Variants in ATXN2 observed in about 807,000 individuals in gnomAD.
The protein encoded by ATXN2 is ataxin-2.
Under a neutral mutation model 138.6 loss-of-function variants are expected in ATXN2, and 37 were observed. The ratio of observed to expected loss-of-function variants is 0.27; its 90% CI spans 0.21 to 0.35. The LOEUF is 0.35. Among genes scored for constraint, ATXN2 ranks in the 10% least tolerant of loss-of-function variants. The pLI is 1.00. For missense variants in ATXN2, 1,216 were observed against 1,480.3 expected (o/e 0.82, Z 2.93); for synonymous variants, 549 against 543.7 (o/e 1.01, Z -0.13).
chr12:111,479,010 A>G, intron 18 of ATXN2: 1 of 296,868 alleles, frequency 3.4e-6, no homozygotes, highest in Admixed American at 5.1e-5. Context: ...CTTCATCTCA[A>G]AAAAAATAAA....
intron 21 of ATXN2, among the ~76,000 whole-genome samples, chr12:111,458,630 C>A (rs867605694): frequency 6.6e-6 from 1 of 152,166 alleles, no homozygotes; most frequent in Non-Finnish European, 1.5e-5. Context: ...TAAAATCCCT[C>A]AAGATAATAA....
At chr12:111,580,508 A>AAAAAG (rs1468747975) in intron 1 of ATXN2, among the ~76,000 whole-genome samples, 7 of 150,784 alleles carry the variant, frequency 4.6e-5, no homozygotes, top group Non-Finnish European at 3.0e-5. Flanking sequence ...TCTGTCTCCA[A>AAAAAG]AAAAGAAAAA....
rs558410153 is a variant in ATXN2, at chr12:111,576,880, C to A, written c.252-20961G>T. Among the ~76,000 whole-genome samples, 3 of 151,956 alleles carry A rather than the reference C, an allele frequency of 2.0e-5. No homozygotes were observed. The South Asian group carries it at 6.2e-4, about 31-fold the overall frequency. On this transcript the variant is annotated intron_variant, in intron 1 of 24. Transcript: ENST00000673436. ...GGCTGAGGCAGGAGAATGGCATGAA[C>A]CTGGGAGTCGGAGGTTGCAGTGAGC...
At chr12:111,485,468 G>C in intron 17 of ATXN2, 137 bp from the exon 18 acceptor site, 1 of 978,712 alleles carries the variant, frequency 1.0e-6, no homozygotes, top group Non-Finnish European at 1.5e-6. Flanking sequence ...TAAAAAATTA[G>C]ATCATACCCA....
At chr12:111,573,716 G>A (rs951710040) in intron 1 of ATXN2, among the ~76,000 whole-genome samples, 1 of 152,180 alleles carries the variant, frequency 6.6e-6, no homozygotes, top group Non-Finnish European at 1.5e-5. Flanking sequence ...CTGGGCTGTT[G>A]TAAGGCTTAA....
At chr12:111,488,962 A>C (rs991473093) in intron 14 of ATXN2, among the ~76,000 whole-genome samples, 182 bp from the exon 15 acceptor site, 1 of 152,206 alleles carries the variant, frequency 6.6e-6, no homozygotes, top group African/African-American at 2.4e-5. Flanking sequence ...TATATAGCAC[A>C]ACCACAGTCA....
intron 12 of ATXN2, 57 bp downstream of exon 12, chr12:111,510,328 C>T: frequency 1.3e-6 from 2 of 1,545,490 alleles, no homozygotes; most frequent in Non-Finnish European, 1.8e-6. Flanking sequence ...TAATATCACC[C>T]TCTAACATTC....
At chr12:111,467,307 CTTTTTTTTTTTTTTT>C (rs61507608) in intron 20 of ATXN2, among the ~76,000 whole-genome samples, 9 of 34,832 alleles carry the variant, frequency 2.6e-4, no homozygotes, top group South Asian at 1.2e-3. Flanking sequence ...CATGACTGGG[CTTTTTTTTTTTTTTT>C]TTTTTTTTTT....
rs780240287 is a variant in ATXN2 at position 111,552,404 on chromosome 12, A to G, written c.447T>C (p.His149=). ...PKCDLVLDAA[H]EKSTESSSGP... is the part of the protein sequence containing the mutation. ...CCGAACTGGATTCTGTACTTTTCTC[A>G]TGTGCGGCATCAAGTACCAAATCAC... Residue 149 remains histidine, a synonymous_variant, in exon 5 of 25, where the codon CAT becomes CAC. Coordinates refer to ENST00000673436, the MANE Select transcript of ATXN2 (RefSeq NM_001372574.1). This position sits in a 1 kb window ranked among gnomAD's most constrained non-coding sequence, Gnocchi z 4.1. The G allele has an allele frequency of 1.9e-6, 3 of 1,612,182 alleles. No individual in the cohort carries two copies. Among genetic ancestry groups the G allele is most frequent in the Admixed American group, 3.4e-5 (2 of 59,522 alleles).
chr12:111,541,776 GATAT>G (rs140277173), intron 5 of ATXN2, among the ~76,000 whole-genome samples: 1 of 144,406 alleles, frequency 6.9e-6, no homozygotes. Context: ...TACAAAAACG[GATAT>G]ATATATATAT....
intron 6 of ATXN2, among the ~76,000 whole-genome samples, chr12:111,522,892 CA>C (rs1476371647): frequency 2.0e-5 from 3 of 151,396 alleles, no homozygotes; most frequent in African/African-American, 7.3e-5. Context: ...CCAGCCTGGA[CA>C]ACAGAGCAAG....
In ATXN2 at chr12:111,587,139, T is replaced by C. The variant is rs527456405; in HGVS notation, c.251+11645A>G. On this transcript the variant is annotated intron_variant, in intron 1 of 24. Transcript: ENST00000673436. The stretch of plus-strand genomic sequence containing the variant: ...TGCTCAAGCTTCAGTGAAAAGACAT[T>C]TAGTCTTCAATTCCTGATTTCGAAA... Among the ~76,000 whole-genome samples, 56 of 151,116 alleles carry C rather than the reference T, an allele frequency of 3.7e-4. 1 individual carries two copies. The highest frequency in any genetic ancestry group is 1.2e-3 in the African/African-American group (51 of 41,270).
chr12:111,479,047 AAAAAAAT>A (rs1445988387), intron 18 of ATXN2: 1 of 376,336 alleles, frequency 2.7e-6, no homozygotes, highest in Non-Finnish European at 4.7e-6. Flanking sequence ...TAAATTTTTT[AAAAAAAT>A]GAAATATGCA....
chr12:111,529,865 A>T (rs985211671), intron 5 of ATXN2, among the ~76,000 whole-genome samples: 10 of 152,220 alleles, frequency 6.6e-5, no homozygotes, highest in African/African-American at 2.2e-4. Context: ...TAAATGTATA[A>T]AAACTATAAA....
intron 1 of ATXN2, among the ~76,000 whole-genome samples, chr12:111,562,105 C>G (rs1181327147): frequency 6.6e-6 from 1 of 151,548 alleles, no homozygotes; most frequent in Admixed American, 6.6e-5. Flanking sequence ...GCCACTGCGC[C>G]CGGCCTCGAG....
chr12:111,528,228 T>C (rs929785273), intron 5 of ATXN2, among the ~76,000 whole-genome samples: 15 of 152,214 alleles, frequency 9.9e-5, no homozygotes, highest in African/African-American at 3.6e-4. Context: ...AGCTAGAGAT[T>C]TTTATAGAAC....
At chr12:111,519,847 C>T (rs954768130) in intron 8 of ATXN2, 32 bp downstream of exon 8, 1 of 1,613,932 alleles carries the variant, frequency 6.2e-7, no homozygotes, top group Middle Eastern at 1.6e-4. Flanking sequence ...GTTGTGTATC[C>T]AAAATACTGC....
At position 111,597,025 on chromosome 12, in the gene ATXN2, A is replaced by C. The variant is rs115863887; in HGVS notation, c.251+1759T>G. On this transcript the variant is annotated intron_variant, in intron 1 of 24. Transcript: ENST00000673436. ...CCTTTTCTATAAAAGTTGTATTTTAAATTTTTTCATTTTTCGCTAGATGCC... is the reference window on the plus strand; with the variant it reads ...CCTTTTCTATAAAAGTTGTATTTTACATTTTTTCATTTTTCGCTAGATGCC... Among the ~76,000 whole-genome samples, 1,092 of 152,270 alleles carry C rather than the reference A, an allele frequency of 7.2e-3. 13 individuals carry two copies. Among genetic ancestry groups the C allele is most frequent in the African/African-American group, 0.025 (1,054 of 41,564 alleles).
intron 1 of ATXN2, among the ~76,000 whole-genome samples, chr12:111,563,600 C>A (rs1882820466): frequency 6.6e-6 from 1 of 151,978 alleles, no homozygotes; most frequent in Non-Finnish European, 1.5e-5. Flanking sequence ...ATTACCAATA[C>A]AGAGAAAATG....
Sources: allele counts gnomAD v4.1 joint callset (sites outside exome capture counted in the v4.1 genomes callset), GRCh38; gene constraint gnomAD v4.1.1; non-coding constraint Gnocchi (gnomAD v3.1); transcripts MANE v1.5; gene names NCBI Gene and HGNC (gene_info 2026-07-23, HGNC 2026-07-21).